KIFAP3: variants seen among roughly 807,000 people sequenced by gnomAD.
The protein encoded by KIFAP3 is kinesin associated protein 3.
Under a neutral mutation model 106.5 loss-of-function variants are expected in KIFAP3, and 68 were observed. The ratio of observed to expected loss-of-function variants is 0.64; its 90% CI spans 0.53 to 0.78. The LOEUF (loss-of-function observed/expected upper bound fraction) is 0.78, where lower values mean the gene tolerates loss of function less well. Ranked by LOEUF, KIFAP3 falls within the 30% of genes least tolerant of loss-of-function variation. KIFAP3 has a pLI of 0.00. For missense variants in KIFAP3, 780 were observed against 941.8 expected (o/e 0.83, Z 2.25); for synonymous variants, 320 against 311.5 (o/e 1.03, Z -0.29).
At chr1:170,077,231 CAA>C (rs2102190721), upstream of KIFAP3, among the ~76,000 whole-genome samples, 1 of 152,298 alleles carries the variant, frequency 6.6e-6, no homozygotes, top group South Asian at 2.1e-4. Context: ...CGGGGCCAAA[CAA>C]GGGAATAAAA....
intron 19 of KIFAP3, among the ~76,000 whole-genome samples, chr1:169,942,672 T>G (rs950379811): frequency 6.6e-6 from 1 of 152,200 alleles, no homozygotes; most frequent in Admixed American, 6.5e-5. Flanking sequence ...AAAAGGGCTA[T>G]GTAACCCAAG....
chr1:169,995,772 A>G (rs1031263166), intron 10 of KIFAP3, among the ~76,000 whole-genome samples: 1 of 152,160 alleles, frequency 6.6e-6, no homozygotes, highest in African/African-American at 2.4e-5. Flanking sequence ...GAGGAAGGAA[A>G]GACTCACCTT....
intron 9 of KIFAP3, among the ~76,000 whole-genome samples, chr1:170,023,141 A>C (rs140757826): frequency 1.1e-3 from 166 of 152,252 alleles, no homozygotes; most frequent in African/African-American, 3.9e-3. Context: ...TAATCTAAGA[A>C]TATTCAATCC....
rs1553282627 is a variant in KIFAP3, at chr1:169,993,106, C to CAT, written c.1184-852_1184-851insAT. ...ATAAACTGGTATTTTCTTTTCTGTC[C>CAT]TTTTTTTTTTTTTTTTTCAGAGACA... On this transcript the variant is annotated intron_variant, in intron 10 of 19. Transcript: ENST00000361580. Among the ~76,000 whole-genome samples the CAT allele has an allele frequency of 4.6e-5, 6 of 130,716 alleles. No homozygotes were observed. In the East Asian group the frequency reaches 6.3e-4, roughly 14 times the overall value. 85.8% of individuals were successfully genotyped at this position (130,716 alleles called of 152,430 possible). A position where few individuals can be genotyped will look rare whatever the true frequency, so the allele number is the denominator to read the frequency against.
intron 1 of KIFAP3, among the ~76,000 whole-genome samples, chr1:170,061,841 G>C (rs956886429): frequency 6.6e-6 from 1 of 152,112 alleles, no homozygotes; most frequent in Non-Finnish European, 1.5e-5. Flanking sequence ...CCATAAAAAA[G>C]GATGAGGTCA....
intron 17 of KIFAP3, among the ~76,000 whole-genome samples, chr1:169,965,205 T>C (rs1463832721): frequency 2.6e-5 from 4 of 152,124 alleles, no homozygotes; most frequent in East Asian, 1.9e-4. Flanking sequence ...TTTTAAAGAA[T>C]AGTAAGTAGC....
At chr1:170,000,890 TACA>T (rs1307676312) in intron 10 of KIFAP3, among the ~76,000 whole-genome samples, 1 of 152,092 alleles carries the variant, frequency 6.6e-6, no homozygotes. Context: ...AAACATTAAG[TACA>T]ACAATAGTTT....
intron 10 of KIFAP3, among the ~76,000 whole-genome samples, chr1:170,006,165 A>C (rs917619321): frequency 1.3e-5 from 2 of 152,172 alleles, no homozygotes; most frequent in African/African-American, 4.8e-5. Flanking sequence ...TGACTTGCCT[A>C]AAGTCACTCA....
chr1:170,038,248 C>T (rs1557855609), intron 5 of KIFAP3, 42 bp downstream of exon 5: 1 of 1,422,940 alleles, frequency 7.0e-7, no homozygotes, highest in East Asian at 2.5e-5. Context: ...ATAACTGTAA[C>T]TTATTCCTCT....
chr1:170,061,171 T>C lies in KIFAP3; in HGVS notation c.33-5735A>G, dbSNP rs1671130366. On this transcript the variant is annotated intron_variant, in intron 1 of 19. Transcript: ENST00000361580. The stretch of plus-strand genomic sequence containing the variant: ...GCCAAAATTGACAAATGGGATCTAA[T>C]TAAACTAAAGAGCTTCTGCACAGCA... Among the ~76,000 whole-genome samples, 6 of 152,150 alleles carry C rather than the reference T, an allele frequency of 3.9e-5. No individual in the cohort carries two copies. In the South Asian group the frequency reaches 8.3e-4, roughly 21 times the overall value.
intron 19 of KIFAP3, among the ~76,000 whole-genome samples, chr1:169,948,354 T>A (rs1008819105): frequency 1.3e-5 from 2 of 151,900 alleles, no homozygotes; most frequent in Non-Finnish European, 2.9e-5. Context: ...AAAGGCTTCA[T>A]GAAGCATGTT....
intron 17 of KIFAP3, among the ~76,000 whole-genome samples, chr1:169,972,028 C>T (rs994837440): frequency 2.0e-5 from 3 of 151,862 alleles, no homozygotes; most frequent in Non-Finnish European, 2.9e-5. Flanking sequence ...CCTTTAAAAA[C>T]CTCCAAAACT....
chr1:170,026,771 C>T (rs144102351), intron 8 of KIFAP3, among the ~76,000 whole-genome samples: 1 of 152,272 alleles, frequency 6.6e-6, no homozygotes, highest in African/African-American at 2.4e-5. Flanking sequence ...ACCAACCATA[C>T]TGGCAATCCC....
At chr1:170,041,077 C>A (rs1669952369) in intron 3 of KIFAP3, among the ~76,000 whole-genome samples, 1 of 152,094 alleles carries the variant, frequency 6.6e-6, no homozygotes, top group South Asian at 2.1e-4. Context: ...CCCGCCTCGG[C>A]CTCCCAAAGT....
At chr1:169,997,673 C>T (rs1056806847) in intron 10 of KIFAP3, among the ~76,000 whole-genome samples, 1 of 151,890 alleles carries the variant, frequency 6.6e-6, no homozygotes, top group African/African-American at 2.4e-5. Context: ...GAGTTCAAGA[C>T]CAGCCTGGCC....
chr1:169,972,514 G>A lies in KIFAP3; in HGVS notation c.1982C>T (p.Ala661Val), dbSNP rs768001655. The A allele has an allele frequency of 8.2e-6, 11 of 1,343,670 alleles. No homozygotes were observed. The highest frequency in any genetic ancestry group is 2.4e-5 in the South Asian group (2 of 82,536). 83.2% of individuals were successfully genotyped at this position (1,343,670 alleles called of 1,614,324 possible). ...TGTGTAGAAAAAATAATTACTTACC[G>A]CTATAATATCTAATGTATTATCACA... ...KVCDNTLDII[A>V]EYDEEWAKKI... Residue 661 changes from alanine (A) to valine (V), a missense_variant and splice_region_variant, in exon 17 of 20, where the codon GCG (alanine) becomes GTG (valine). Around this residue, in one of 3 missense-constraint regions of KIFAP3, gnomAD observed 78 missense variants for 140.6 expected, o/e 0.55. Coordinates refer to ENST00000361580, the MANE Select transcript of KIFAP3 (RefSeq NM_014970.4).
chr1:169,969,574 T>C (rs1048169377), intron 17 of KIFAP3, among the ~76,000 whole-genome samples: 1 of 151,994 alleles, frequency 6.6e-6, no homozygotes, highest in Non-Finnish European at 1.5e-5. Flanking sequence ...AATCTGCCCA[T>C]GATCATAATT....
In KIFAP3 at chr1:169,928,699, C is replaced by CAAAAAAAAAAAAAAAAAAAA. The variant is rs10690029; in HGVS notation, c.2274-6938_2274-6919dup. On this transcript the variant is annotated intron_variant, in intron 19 of 19. Transcript: ENST00000361580. ...AACAGAGTGAGTGAGACCCTGTCTC[C>CAAAAAAAAAAAAAAAAAAAA]AAAAAAAAAAAAAAAAAAAAAATTA... Among the ~76,000 whole-genome samples the CAAAAAAAAAAAAAAAAAAAA allele has an allele frequency of 1.6e-4, 6 of 37,782 alleles. 1 individual carries two copies. The highest frequency in any genetic ancestry group is 1.8e-3 in the East Asian group (2 of 1,102). 24.8% of individuals were successfully genotyped at this position (37,782 alleles called of 152,430 possible). A position where few individuals can be genotyped will look rare whatever the true frequency, so the allele number is the denominator to read the frequency against.
intron 16 of KIFAP3, among the ~76,000 whole-genome samples, chr1:169,973,105 G>GTGTGTATATATATATATATATA (rs145406203): frequency 5.5e-5 from 5 of 90,314 alleles, no homozygotes; most frequent in African/African-American, 1.4e-4. Context: ...AAAATAGTGT[G>GTGTGTATATATATATATATATA]TATATATATA....
Sources: gnomAD v4.1 joint callset for allele counts (sites outside exome capture counted in the v4.1 genomes callset) on GRCh38, gnomAD v4.1.1 for gene constraint, gnomAD v4.1.1 regional missense constraint, MANE v1.5 for transcripts, NCBI Gene and HGNC (gene_info 2026-07-23, HGNC 2026-07-21) for gene names.